SNCG: variants seen among roughly 807,000 people sequenced by gnomAD.
The protein encoded by SNCG is gamma-synuclein.
In SNCG, 13 loss-of-function variants were observed where a neutral mutation model predicts 16.0. The ratio of observed to expected loss-of-function variants is 0.81; its 90% CI spans 0.53 to 1.29. SNCG has a LOEUF of 1.29. Among genes scored for constraint, SNCG ranks in the 50% most tolerant of loss-of-function variants. The pLI, the probability that SNCG is intolerant of heterozygous loss-of-function variation, is 0.00. For synonymous variants in SNCG, 66 were observed against 66.3 expected, an observed-to-expected ratio of 1.00 and a Z score of 0.02; for missense variants, 154 against 168.5, an observed-to-expected ratio of 0.91 and a Z score of 0.48.
upstream of SNCG, chr10:86,957,431 T>G: frequency 6.2e-7 from 1 of 1,613,778 alleles, no homozygotes. Context: ...AGACCCCAGG[T>G]GTCCTGGAGC....
At chr10:86,958,497 TCCC>T, upstream of SNCG, 3 of 1,098,050 alleles carry the variant, frequency 2.7e-6, no homozygotes, top group Non-Finnish European at 3.5e-6. Context: ...TGAACCTCCT[TCCC>T]TCCCTCCCTC....
chr10:86,957,276 T>G, upstream of SNCG: 1 of 1,251,634 alleles, frequency 8.0e-7, no homozygotes, highest in Non-Finnish European at 1.2e-6. Flanking sequence ...ATTAGCCCAT[T>G]TCACAGATGG....
chr10:86,961,546 G>A (rs1052322572), intron 3 of SNCG, among the ~76,000 whole-genome samples: 8 of 152,072 alleles, frequency 5.3e-5, no homozygotes, highest in African/African-American at 1.4e-4. Flanking sequence ...GAGGGTGCCC[G>A]GGCATTCCTT....
intron 3 of SNCG, among the ~76,000 whole-genome samples, chr10:86,961,814 C>T (rs530729983): frequency 3.3e-5 from 5 of 152,344 alleles, no homozygotes; most frequent in African/African-American, 4.8e-5. Flanking sequence ...TGCCCCACTC[C>T]GCCAAGGGGC....
At chr10:86,960,512 C>A (rs1215611460) in intron 3 of SNCG, among the ~76,000 whole-genome samples, 1 of 152,124 alleles carries the variant, frequency 6.6e-6, no homozygotes, top group Non-Finnish European at 1.5e-5. Flanking sequence ...CTGAGTAGCA[C>A]CAGCCCCGCC....
At position 86,963,101 on chromosome 10, in the gene SNCG, C is replaced by G. The variant is rs959780520; in HGVS notation, c.*116C>G. The G allele has an allele frequency of 1.8e-6, 2 of 1,097,412 alleles. No homozygotes were observed. Among genetic ancestry groups the G allele is most frequent in the African/African-American group, 3.2e-5 (2 of 63,332 alleles). 68.0% of individuals were successfully genotyped at this position (1,097,412 alleles called of 1,614,324 possible). A position where few individuals can be genotyped will look rare whatever the true frequency, so the allele number is the denominator to read the frequency against. ...ACATGCGGCTGCCCACGCTCCTGCC[C>G]TCGTCTCCCTGGCCACCCTTGGCCT... On this transcript the variant is annotated 3_prime_UTR_variant, in exon 5 of 5. Coordinates refer to ENST00000372017, the MANE Select transcript of SNCG (RefSeq NM_003087.3).
chr10:86,959,282 C>T lies in SNCG; in HGVS notation c.122-351C>T. The T allele has an allele frequency of 4.5e-6, 2 of 445,232 alleles. No homozygotes were observed. Among genetic ancestry groups the T allele is most frequent in the Non-Finnish European group, 8.0e-6 (2 of 249,288 alleles). The allele number at this position is 445,232 out of a possible 1,614,324, so 27.6% of individuals were successfully genotyped here. On this transcript the variant is annotated intron_variant, in intron 1 of 4. Transcript: ENST00000372017. The surrounding 1 kb of genome is among the most constrained non-coding windows in gnomAD (Gnocchi z 4.3). ...CCCCGCATCCTCTCCTGGCACTCTC[C>T]AGAGGAGGAAGGGGAGGTCAAGCCA...
rs1844382317 is a variant in SNCG, at chr10:86,962,964, G to A, written c.364-1G>A. Reference sequence around the variant, plus strand: ...GGTGTGCAGGTCATTCTCTCTCCCAGGCCCAGAGTGGGGGAGACTAGAGGG... The same window carrying A: ...GGTGTGCAGGTCATTCTCTCTCCCAAGCCCAGAGTGGGGGAGACTAGAGGG... On this transcript the variant is annotated splice_acceptor_variant, in intron 4 of 4. Coordinates refer to ENST00000372017, the MANE Select transcript of SNCG (RefSeq NM_003087.3). LOFTEE classifies it high-confidence loss of function. The A allele has an allele frequency of 1.2e-6, 2 of 1,602,970 alleles. No individual in the cohort carries two copies. The highest frequency in any genetic ancestry group is 2.7e-5 in the African/African-American group (2 of 74,852).
rs911217622 is a variant in SNCG, at chr10:86,959,737, G to C, written c.163+63G>C. 4 of 1,480,768 alleles carry C rather than the reference G, an allele frequency of 2.7e-6. No individual in the cohort carries two copies. The African/African-American group carries it at 5.6e-5, about 21-fold the overall frequency. 91.7% of individuals were successfully genotyped at this position (1,480,768 alleles called of 1,614,324 possible). ...GGACCCCTGGGGCTCCTGCATCCTA[G>C]TGCTGGGGCTCAAACCTAGAGTCCT... On this transcript the variant is annotated intron_variant, in intron 2 of 4. Transcript: ENST00000372017. This position sits in a 1 kb window ranked among gnomAD's most constrained non-coding sequence, Gnocchi z 4.3.
rs778320208 is a variant in SNCG, at chr10:86,959,354, C to T, written c.122-279C>T. ...CTGTCCTGTTGCTGCTTCTGAGGCC[C>T]GGCCACACCCGGGCAGGGGCTGGAC... On this transcript the variant is annotated intron_variant, in intron 1 of 4. Transcript: ENST00000372017. This position sits in a 1 kb window ranked among gnomAD's most constrained non-coding sequence, Gnocchi z 4.3. 1.8e-4 allele frequency: 100 copies of T among 560,726 alleles called. No individual in the cohort carries two copies. The highest frequency in any genetic ancestry group is 3.0e-4 in the South Asian group (14 of 45,934). The allele number at this position is 560,726 out of a possible 1,614,324, so 34.7% of individuals were successfully genotyped here.
upstream of SNCG, chr10:86,957,867 G>A (rs114898099): frequency 8.4e-3 from 9,394 of 1,120,622 alleles, 59 homozygotes; most frequent in African/African-American, 0.022. Context: ...TGAAAAGAGC[G>A]TGGACTTCGA....
Position 86,959,894 on chromosome 10 carries a change from A to T in SNCG, c.164-107A>T. 1 of 1,511,810 alleles carries T rather than the reference A, an allele frequency of 6.6e-7. No individual in the cohort carries two copies. Among genetic ancestry groups the T allele is most frequent in the Non-Finnish European group, 8.9e-7 (1 of 1,120,726 alleles). The allele number at this position is 1,511,810 out of a possible 1,614,324, so 93.6% of individuals were successfully genotyped here. ...GTCAGAGGGAGCAGGGGAGGGTCCC[A>T]GCAGGGCCAGGGCTCTGAGCTCCTG... On this transcript the variant is annotated intron_variant, in intron 2 of 4. Coordinates refer to ENST00000372017, the MANE Select transcript of SNCG (RefSeq NM_003087.3). The surrounding 1 kb of genome is among the most constrained non-coding windows in gnomAD (Gnocchi z 4.3).
upstream of SNCG, chr10:86,957,386 G>A (rs150005124): frequency 1.8e-5 from 29 of 1,613,094 alleles, no homozygotes; most frequent in African/African-American, 1.2e-4. Context: ...ACCGTCCTAC[G>A]GGGTCCTTGC....
chr10:86,961,144 G>C (rs1844341854), intron 3 of SNCG, among the ~76,000 whole-genome samples: 1 of 152,146 alleles, frequency 6.6e-6, no homozygotes, highest in Non-Finnish European at 1.5e-5. Flanking sequence ...AGGAGTGGGT[G>C]GGTGGAAGGG....
chr10:86,957,954 G>T, upstream of SNCG: 1 of 1,029,026 alleles, frequency 9.7e-7, no homozygotes, highest in Non-Finnish European at 1.2e-6. Context: ...GGAAATGGGG[G>T]GCAATTCATG....
chr10:86,960,477 C>T (rs975493928), intron 3 of SNCG, among the ~76,000 whole-genome samples: 3 of 152,166 alleles, frequency 2.0e-5, no homozygotes, highest in Non-Finnish European at 4.4e-5. Flanking sequence ...GGCAGCCTCC[C>T]GGGCAGTGGT....
upstream of SNCG, chr10:86,958,001 A>C: frequency 9.9e-7 from 1 of 1,008,540 alleles, no homozygotes; most frequent in Non-Finnish European, 1.2e-6. Flanking sequence ...GGCTCAAAGA[A>C]GGGAAGGGAC....
upstream of SNCG, chr10:86,958,586 A>G (rs890559509): frequency 7.8e-6 from 12 of 1,534,608 alleles, no homozygotes; most frequent in Admixed American, 1.9e-5. Context: ...CGGCGTCAAT[A>G]GGAGGCATCG....
upstream of SNCG, among the ~76,000 whole-genome samples, chr10:86,957,083 C>A (rs1443891495): frequency 6.6e-6 from 1 of 152,212 alleles, no homozygotes; most frequent in East Asian, 1.9e-4. Flanking sequence ...TGGCTTCAGC[C>A]ACAGTCCCCC....
Sources: allele counts gnomAD v4.1 joint callset (sites outside exome capture counted in the v4.1 genomes callset), GRCh38; gene constraint gnomAD v4.1.1; non-coding constraint Gnocchi (gnomAD v3.1); transcripts MANE v1.5; gene names NCBI Gene and HGNC (gene_info 2026-07-23, HGNC 2026-07-21).